The following DRC4 variants were observed in gnomAD, a reference collection of about 807,000 sequenced individuals.
The protein encoded by DRC4 is GAS-11.
the DRC4 span, chr16:90,033,045 C>A: frequency 2.9e-6 from 3 of 1,030,488 alleles, no homozygotes; most frequent in Non-Finnish European, 4.2e-6. Flanking sequence ...AGACTTTCTG[C>A]ATTTTTGCAA....
At chr16:90,037,506 C>A in the DRC4 span, 1 of 1,264,884 alleles carries the variant, frequency 7.9e-7, no homozygotes, top group Non-Finnish European at 1.1e-6. Flanking sequence ...GGAAGGGAGA[C>A]GGGGAGGCCT....
chr16:90,020,010 C>A, the DRC4 span: 1 of 699,628 alleles, frequency 1.4e-6, no homozygotes, highest in African/African-American at 1.7e-5. Context: ...AAGGCAGTTT[C>A]GATGAAACTG....
chr16:90,042,770 G>C, the DRC4 span: 5 of 554,980 alleles, frequency 9.0e-6, no homozygotes, highest in Non-Finnish European at 1.6e-5. Flanking sequence ...TGTAGGGGGG[G>C]ACCTGGACGC....
At chr16:90,028,923 C>T in the DRC4 span, 4 of 1,294,050 alleles carry the variant, frequency 3.1e-6, no homozygotes, top group Non-Finnish European at 3.0e-6. Context: ...TAAAGAATGG[C>T]TTTATTTTAC....
the DRC4 span, chr16:90,043,452 A>C: frequency 3.5e-6 from 4 of 1,137,562 alleles, no homozygotes; most frequent in Non-Finnish European, 4.9e-6. Flanking sequence ...ATCATCAGCA[A>C]ATGAAAGCTT....
the DRC4 span, chr16:90,037,962 T>TA: frequency 1.1e-6 from 1 of 917,508 alleles, no homozygotes; most frequent in South Asian, 1.3e-5. Flanking sequence ...ATGGCACCCC[T>TA]GCTAGCCAGG....
chr16:90,043,956 ACTTCTGGGC>A, the DRC4 span: 1 of 417,066 alleles, frequency 2.4e-6, no homozygotes, highest in African/African-American at 2.1e-5. Flanking sequence ...GGCACGTGGA[ACTTCTGGGC>A]CTTGCTGGTG....
the DRC4 span, chr16:90,028,893 C>T: frequency 1.6e-6 from 2 of 1,242,438 alleles, no homozygotes; most frequent in African/African-American, 1.5e-5. Flanking sequence ...TGGAGCTAGG[C>T]AGAGGTCCTT....
At chr16:90,025,990 A>G in the DRC4 span, among the ~76,000 whole-genome samples, 1 of 151,650 alleles carries the variant, frequency 6.6e-6, no homozygotes, top group African/African-American at 2.4e-5. Context: ...GCAGCAGTGA[A>G]CTCCTGTGGT....
the DRC4 span, among the ~76,000 whole-genome samples, chr16:90,041,780 C>T: frequency 1.4e-4 from 21 of 151,910 alleles, no homozygotes; most frequent in Admixed American, 5.9e-4. Context: ...GCCTGGGCAA[C>T]GGGGCGAGAC....
At chr16:90,036,533 AACT>A in the DRC4 span, 1 of 1,608,324 alleles carries the variant, frequency 6.2e-7, no homozygotes, top group African/African-American at 1.3e-5. Flanking sequence ...CGACATTAAG[AACT>A]ACTACAACGA....
the DRC4 span, among the ~76,000 whole-genome samples, chr16:90,025,868 C>T: frequency 5.8e-5 from 7 of 119,920 alleles, no homozygotes; most frequent in African/African-American, 1.6e-4. Context: ...GAGACTCCAT[C>T]TCAAAAAAAA....
At chr16:90,027,090 T>TC in the DRC4 span, among the ~76,000 whole-genome samples, 4 of 61,612 alleles carry the variant, frequency 6.5e-5, no homozygotes, top group South Asian at 7.1e-4. Context: ...GTTTCCTCTC[T>TC]TTTTTTTTTT....
At chr16:90,030,416 C>A in the DRC4 span, among the ~76,000 whole-genome samples, 7 of 151,932 alleles carry the variant, frequency 4.6e-5, no homozygotes, top group African/African-American at 1.7e-4. Context: ...TCACGGCTCA[C>A]GGCAGCCTTG....
the DRC4 span, chr16:90,042,558 C>T: frequency 1.9e-6 from 3 of 1,600,994 alleles, no homozygotes; most frequent in South Asian, 3.3e-5. Context: ...CCTGCCCTCC[C>T]TCAGGGGCAC....
the DRC4 span, chr16:90,033,063 A>C: frequency 1.2e-6 from 1 of 843,988 alleles, no homozygotes; most frequent in Non-Finnish European, 1.8e-6. Flanking sequence ...CAATTTGTTG[A>C]AAAAAAATTT....
chr16:90,023,981 T>TA, the DRC4 span, among the ~76,000 whole-genome samples: 326 of 129,268 alleles, frequency 2.5e-3, no homozygotes, highest in African/African-American at 6.7e-3. Context: ...ACACGTCTCT[T>TA]AAAAAAAAAA....
the DRC4 span, chr16:90,031,515 C>G: frequency 6.5e-7 from 1 of 1,544,602 alleles, no homozygotes; most frequent in Non-Finnish European, 8.7e-7. Flanking sequence ...GGCCGGCCTG[C>G]ACGTGCTAAC....
At chr16:90,023,225 AGGAGGCCCGGACAGGTCCAGTGCCCTT>A in the DRC4 span, among the ~76,000 whole-genome samples, 1 of 152,154 alleles carries the variant, frequency 6.6e-6, no homozygotes, top group Admixed American at 6.5e-5. Context: ...CTCTACACCA[AGGAGGCCCGGACAGGTCCAGTGCCCTT>A]GGAGTGCCCA....
Sources: gnomAD v4.1 joint callset for allele counts (sites outside exome capture counted in the v4.1 genomes callset) on GRCh38, gnomAD v4.1.1 for gene constraint, MANE v1.5 for transcripts, NCBI Gene and HGNC (gene_info 2026-07-23, HGNC 2026-07-21) for gene names.